The following UST variants were observed in gnomAD, a reference collection of about 807,000 sequenced individuals.
UST encodes the protein uronyl 2-sulfotransferase, also known as chondroitin sulfate 2-O-sulfotransferase.
A neutral mutation model predicts 45.6 loss-of-function variants in UST; 21 were observed. The ratio of observed to expected loss-of-function variants is 0.46; its 90% CI spans 0.33 to 0.66. The LOEUF is 0.66. UST is among the 30% of genes least tolerant of loss of function. UST has a pLI of 0.02. For missense variants in UST, 463 were observed against 512.4 expected, an observed-to-expected ratio of 0.90 and a Z score of 0.93; for synonymous variants, 215 against 200.6, an observed-to-expected ratio of 1.07 and a Z score of -0.61.
Position 148,839,681 on chromosome 6 carries a change from TTATCAGCTTCTCTGA to T in UST, c.248-47292_248-47278del, listed in dbSNP as rs111676288. On this transcript the variant is annotated intron_variant, in intron 1 of 7. Transcript: ENST00000367463. ...ATGCTTGGATCCCACCAAAAATGGA[TTATCAGCTTCTCTGA>T]TATCAGCTTCTCCTCCAACATTTGG... 2.6e-5 allele frequency among the ~76,000 whole-genome samples: 4 copies of T among 152,182 alleles called. No homozygotes were observed. The East Asian group carries it at 7.7e-4, about 29-fold the overall frequency.
At chr6:149,013,249 A>G (rs544069293) in intron 5 of UST, among the ~76,000 whole-genome samples, 7 of 152,306 alleles carry the variant, frequency 4.6e-5, no homozygotes, top group African/African-American at 1.7e-4. Context: ...TTATAAAACT[A>G]TTCTTAAAAG....
chr6:148,985,709 C>T (rs1157142008), intron 5 of UST, among the ~76,000 whole-genome samples: 8 of 152,042 alleles, frequency 5.3e-5, no homozygotes, highest in Admixed American at 5.2e-4. Context: ...CAGAGGTATG[C>T]GTGGGATTGT....
At chr6:148,930,284 G>A (rs1329798896) in intron 2 of UST, among the ~76,000 whole-genome samples, 3 of 152,174 alleles carry the variant, frequency 2.0e-5, no homozygotes, top group African/African-American at 4.8e-5. Flanking sequence ...AACCTTTGAT[G>A]TATTCACTTA....
chr6:148,866,614 T>A (rs1007358040), intron 1 of UST, among the ~76,000 whole-genome samples: 1 of 152,242 alleles, frequency 6.6e-6, no homozygotes, highest in Non-Finnish European at 1.5e-5. Context: ...ATATCAAGGC[T>A]TCCCTACCTA....
At chr6:148,953,771 CA>C (rs58266916) in intron 3 of UST, 100 bp from the exon 4 acceptor site, 47,113 of 266,312 alleles carry the variant, frequency 0.18, 438 homozygotes, top group African/African-American at 0.29. Context: ...GACTCCATCT[CA>C]AAAAAAAAAA....
intron 5 of UST, among the ~76,000 whole-genome samples, chr6:148,985,935 G>T (rs952845377): frequency 6.6e-6 from 1 of 152,344 alleles, no homozygotes; most frequent in Non-Finnish European, 1.5e-5. Flanking sequence ...GGAAAAGGAG[G>T]CAGGAAGAGC....
intron 1 of UST, among the ~76,000 whole-genome samples, chr6:148,867,800 A>T (rs1378572258): frequency 6.6e-6 from 1 of 152,188 alleles, no homozygotes; most frequent in African/African-American, 2.4e-5. Context: ...TATCAGCACC[A>T]TGAGAACAGA....
Position 148,813,459 on chromosome 6 carries a change from G to A in UST, c.247+65782G>A, listed in dbSNP as rs371338080. Among the ~76,000 whole-genome samples the A allele has an allele frequency of 3.6e-3, 545 of 151,302 alleles. 4 individuals carry two copies. Among genetic ancestry groups the A allele is most frequent in the African/African-American group, 0.013 (521 of 41,192 alleles). ...TGCAGTGGCACGATCTCAGCTCACC[G>A]CAACCTCCACCTCCCGGGTTCAAGT... On this transcript the variant is annotated intron_variant, in intron 1 of 7. Transcript: ENST00000367463.
At chr6:149,006,141 A>T (rs544412425) in intron 5 of UST, among the ~76,000 whole-genome samples, 1 of 152,298 alleles carries the variant, frequency 6.6e-6, no homozygotes, top group Non-Finnish European at 1.5e-5. Flanking sequence ...GTTTTGTTAC[A>T]TAGGGAAACA....
chr6:148,935,167 C>T (rs373550966), intron 2 of UST, among the ~76,000 whole-genome samples: 31 of 152,308 alleles, frequency 2.0e-4, no homozygotes, highest in Admixed American at 1.6e-3. Context: ...TTATCTGGCA[C>T]GCTCCACACA....
chr6:149,055,529 C>T (rs1271569822), intron 7 of UST, among the ~76,000 whole-genome samples: 7 of 152,012 alleles, frequency 4.6e-5, no homozygotes, highest in Admixed American at 6.5e-5. Context: ...TCAAGTTACC[C>T]GTTTCTCCTG....
At chr6:148,850,779 T>G (rs572989169) in intron 1 of UST, among the ~76,000 whole-genome samples, 1 of 152,302 alleles carries the variant, frequency 6.6e-6, no homozygotes, top group East Asian at 1.9e-4. Context: ...ATCACTGATG[T>G]CGTGGACTCT....
chr6:149,024,554 A>G (rs532200245), intron 7 of UST, among the ~76,000 whole-genome samples: 10 of 152,270 alleles, frequency 6.6e-5, no homozygotes, highest in African/African-American at 2.4e-4. Context: ...AGATCAACAC[A>G]CACTCCTGGC....
At chr6:149,070,154 A>G (rs1776798243) in intron 7 of UST, among the ~76,000 whole-genome samples, 1 of 152,214 alleles carries the variant, frequency 6.6e-6, no homozygotes, top group Non-Finnish European at 1.5e-5. Context: ...TACACAATGT[A>G]TAGTGCTCTA....
rs1383966107 is a variant in UST at position 149,073,862 on chromosome 6, A to G, written c.967A>G (p.Thr323Ala). The stretch of plus-strand genomic sequence containing the variant: ...CAGGAAGCTTGGAAACATGACTGTG[A>G]CGGTGAAGAAGACTGTCCCCTCTCC... ...EHRKLGNMTV[T>A]VKKTVPSPEA... The change falls in exon 8 of 8, where the codon ACG (threonine) becomes GCG (alanine). Residue 323 changes from threonine (T) to alanine (A), a missense_variant. Coordinates refer to ENST00000367463, the MANE Select transcript of UST (RefSeq NM_005715.3). 3 of 1,613,838 alleles carry G rather than the reference A, an allele frequency of 1.9e-6. No homozygotes were observed. Among genetic ancestry groups the G allele is most frequent in the Non-Finnish European group, 2.5e-6 (3 of 1,179,838 alleles).
chr6:148,779,557 G>T (rs1189580960), intron 1 of UST, among the ~76,000 whole-genome samples: 1 of 152,124 alleles, frequency 6.6e-6, no homozygotes, highest in East Asian at 1.9e-4. Context: ...ACCACGCCAG[G>T]GAAATAATAA....
intron 1 of UST, among the ~76,000 whole-genome samples, chr6:148,752,721 G>A (rs1276325989): frequency 2.6e-5 from 4 of 152,210 alleles, no homozygotes; most frequent in Non-Finnish European, 5.9e-5. Context: ...CAAGGTTTTT[G>A]AGTCCCAAAA....
intron 1 of UST, among the ~76,000 whole-genome samples, chr6:148,877,840 G>A (rs1214861960): frequency 6.9e-6 from 1 of 144,018 alleles, no homozygotes. Context: ...GAGTGCGAGG[G>A]GTCGTGTACG....
intron 1 of UST, among the ~76,000 whole-genome samples, chr6:148,845,744 T>C (rs1777973636): frequency 2.6e-5 from 4 of 152,220 alleles, no homozygotes. Context: ...CCACTAACAA[T>C]GTGTGAGTGT....
Sources: allele counts gnomAD v4.1 joint callset (sites outside exome capture counted in the v4.1 genomes callset), GRCh38; gene constraint gnomAD v4.1.1; transcripts MANE v1.5; gene names NCBI Gene and HGNC (gene_info 2026-07-23, HGNC 2026-07-21).